MCTP1: variants seen among roughly 807,000 people sequenced by gnomAD.
MCTP1 encodes the protein multiple C2 and transmembrane domain-containing protein 1.
A neutral mutation model predicts 120.6 loss-of-function variants in MCTP1; 69 were observed. The ratio of observed to expected loss-of-function variants is 0.57; its 90% CI spans 0.47 to 0.70. The LOEUF is 0.70. Ranked by LOEUF, MCTP1 falls within the 30% of genes least tolerant of loss-of-function variation. MCTP1 has a pLI of 0.00. For synonymous variants in MCTP1, 529 were observed against 493.1 expected (o/e 1.07, Z -0.96); for missense variants, 1,203 against 1,248.8 (o/e 0.96, Z 0.55).
intron 1 of MCTP1, among the ~76,000 whole-genome samples, chr5:95,134,185 C>G (rs1455262273): frequency 6.6e-6 from 1 of 152,018 alleles, no homozygotes; most frequent in Non-Finnish European, 1.5e-5. Context: ...CATTATTTTT[C>G]CAATGTTAAG....
chr5:95,260,163 C>T (rs1324074954), intron 1 of MCTP1, among the ~76,000 whole-genome samples: 1 of 152,062 alleles, frequency 6.6e-6, no homozygotes, highest in Non-Finnish European at 1.5e-5. Context: ...AATTGAGTAT[C>T]AAATTGAGGC....
At chr5:95,024,127 C>T in intron 1 of MCTP1, 2 of 434,054 alleles carry the variant, frequency 4.6e-6, no homozygotes, top group South Asian at 1.6e-5. Context: ...TCTATTTTTG[C>T]TTTTGTTGCC....
intron 13 of MCTP1, among the ~76,000 whole-genome samples, chr5:94,872,079 A>C (rs1797942532): frequency 6.6e-6 from 1 of 152,106 alleles, no homozygotes. Flanking sequence ...TCATATTTTT[A>C]TTTCTGGAAA....
chr5:94,954,081 AAT>A (rs1224975450), intron 2 of MCTP1, among the ~76,000 whole-genome samples: 1 of 100,220 alleles, frequency 1.0e-5, no homozygotes, highest in Non-Finnish European at 1.9e-5. Context: ...TATATATACA[AAT>A]ATATATGTGC....
intron 1 of MCTP1, among the ~76,000 whole-genome samples, chr5:95,078,198 T>C (rs1754105889): frequency 6.6e-6 from 1 of 152,224 alleles, no homozygotes; most frequent in African/African-American, 2.4e-5. Flanking sequence ...TTCTCCATTC[T>C]ACAATTCGTT....
intron 2 of MCTP1, among the ~76,000 whole-genome samples, chr5:94,982,602 T>C (rs1195986501): frequency 2.0e-5 from 3 of 151,902 alleles, no homozygotes; most frequent in Non-Finnish European, 4.4e-5. Flanking sequence ...TGACTTTGAG[T>C]TCATCAAAAG....
chr5:94,851,925 G>A (rs933404286), intron 17 of MCTP1, among the ~76,000 whole-genome samples: 3 of 151,842 alleles, frequency 2.0e-5, no homozygotes, highest in Admixed American at 2.0e-4. Context: ...GTCTCATGAA[G>A]AGTAAATGTT....
rs1834716011 is a variant in MCTP1 at position 95,006,229 on chromosome 5, T to C, written c.838+11138A>G. 2.6e-5 allele frequency among the ~76,000 whole-genome samples: 4 copies of C among 152,158 alleles called. No homozygotes were observed. The South Asian group carries it at 8.3e-4, about 32-fold the overall frequency. On this transcript the variant is annotated intron_variant, in intron 2 of 22. Coordinates refer to ENST00000515393, the MANE Select transcript of MCTP1 (RefSeq NM_024717.7). ...CGCTATATATGTATTATTCAGAAGC[T>C]TTTATATATGTATATACACACACAT...
At chr5:95,069,096 T>C (rs1234980264) in intron 1 of MCTP1, among the ~76,000 whole-genome samples, 3 of 152,196 alleles carry the variant, frequency 2.0e-5, no homozygotes, top group African/African-American at 4.8e-5. Context: ...GCTTGTCTTT[T>C]GTAGAGCCAC....
intron 1 of MCTP1, among the ~76,000 whole-genome samples, chr5:95,038,564 T>A (rs1262319474): frequency 6.6e-6 from 1 of 152,132 alleles, no homozygotes; most frequent in Non-Finnish European, 1.5e-5. Flanking sequence ...GTTCAGTGGA[T>A]GGAGAGGGAA....
chr5:95,057,435 T>C (rs1747704460), intron 1 of MCTP1, among the ~76,000 whole-genome samples: 1 of 152,204 alleles, frequency 6.6e-6, no homozygotes, highest in East Asian at 1.9e-4. Flanking sequence ...TAGTATTAGA[T>C]ACACTTTACT....
chr5:95,241,303 T>C (rs1002175797), intron 1 of MCTP1, among the ~76,000 whole-genome samples: 15 of 152,326 alleles, frequency 9.8e-5, no homozygotes, highest in Non-Finnish European at 1.9e-4. Flanking sequence ...CATCTCAGTA[T>C]GGCAGCTGCT....
At chr5:95,216,332 A>C (rs1265107643) in intron 1 of MCTP1, among the ~76,000 whole-genome samples, 1 of 152,212 alleles carries the variant, frequency 6.6e-6, no homozygotes, top group East Asian at 1.9e-4. Flanking sequence ...TGATACATCC[A>C]TAGGAAGCTT....
chr5:94,954,373 G>C (rs1367419936), intron 2 of MCTP1, among the ~76,000 whole-genome samples: 1 of 151,402 alleles, frequency 6.6e-6, no homozygotes, highest in East Asian at 1.9e-4. Context: ...TGAAGACAAA[G>C]AATGGAAAAA....
At chr5:94,743,291 C>G (rs542330204) in intron 19 of MCTP1, among the ~76,000 whole-genome samples, 1 of 150,466 alleles carries the variant, frequency 6.6e-6, no homozygotes, top group East Asian at 2.0e-4. Flanking sequence ...ATTAGCAAAT[C>G]TGCAGGCTTA....
chr5:94,902,793 T>C (rs1316723352), intron 10 of MCTP1, among the ~76,000 whole-genome samples: 1 of 152,200 alleles, frequency 6.6e-6, no homozygotes, highest in Non-Finnish European at 1.5e-5. Flanking sequence ...TTGTTAGAAG[T>C]TGTCACTGTT....
chr5:94,794,483 T>C (rs1779612108), intron 18 of MCTP1, among the ~76,000 whole-genome samples: 1 of 152,188 alleles, frequency 6.6e-6, no homozygotes, highest in African/African-American at 2.4e-5. Flanking sequence ...CAGGATTCTA[T>C]GCAAGGCCCT....
intron 19 of MCTP1, among the ~76,000 whole-genome samples, chr5:94,756,984 T>C (rs1343395179): frequency 2.0e-5 from 3 of 152,178 alleles, no homozygotes; most frequent in Admixed American, 6.6e-5. Flanking sequence ...TTTTAAAGTA[T>C]GGGCTTTGGA....
chr5:94,822,207 C>T (rs1785828518), intron 17 of MCTP1, among the ~76,000 whole-genome samples: 1 of 152,180 alleles, frequency 6.6e-6, no homozygotes, highest in South Asian at 2.1e-4. Flanking sequence ...CTATCCCTCT[C>T]CTTGTCCCCC....
Sources: gnomAD v4.1 joint callset for allele counts (sites outside exome capture counted in the v4.1 genomes callset) on GRCh38, gnomAD v4.1.1 for gene constraint, MANE v1.5 for transcripts, NCBI Gene and HGNC (gene_info 2026-07-23, HGNC 2026-07-21) for gene names.